Variants in SCNN1B observed in about 807,000 individuals in gnomAD.
The protein encoded by SCNN1B is sodium channel epithelial 1 subunit beta.
SCNN1B carries 46 observed loss-of-function variants against 65.3 expected under a neutral mutation model. The ratio of observed to expected loss-of-function variants is 0.70; its 90% CI spans 0.56 to 0.90. SCNN1B has a LOEUF of 0.90. Ranked by LOEUF, SCNN1B falls within the 40% of genes least tolerant of loss-of-function variation. The pLI is 0.00. For missense variants in SCNN1B, 751 were observed against 830.5 expected, an observed-to-expected ratio of 0.90 and a Z score of 1.18; for synonymous variants, 349 against 330.6, an observed-to-expected ratio of 1.06 and a Z score of -0.60.
chr16:23,296,709 C>G (rs919149579), intron 2 of SCNN1B, among the ~76,000 whole-genome samples: 4 of 152,090 alleles, frequency 2.6e-5, no homozygotes, highest in African/African-American at 9.7e-5. Context: ...GCAATGAGAT[C>G]GAAGATCAGA....
chr16:23,312,719 T>A (rs1961371049), intron 1 of SCNN1B, among the ~76,000 whole-genome samples: 1 of 152,048 alleles, frequency 6.6e-6, no homozygotes, highest in South Asian at 2.1e-4. Context: ...TGGATGACAA[T>A]CTGGTTGGTT....
rs1232796102 is a variant in SCNN1B at position 23,308,072 on chromosome 16, C to T, written c.-9+5635C>T. On this transcript the variant is annotated intron_variant, in intron 1 of 12. Transcript: ENST00000343070. ...AAAATAATGAATTTTGGTGTGGTGGCGCATGCCTGTAGTCCCAGCTACTCA... is the reference window on the plus strand; with the variant it reads ...AAAATAATGAATTTTGGTGTGGTGGTGCATGCCTGTAGTCCCAGCTACTCA... 9.2e-5 allele frequency among the ~76,000 whole-genome samples: 14 copies of T among 152,016 alleles called. 1 individual carries two copies. Among genetic ancestry groups the T allele is most frequent in the South Asian group, 8.3e-4 (4 of 4,812 alleles).
upstream of SCNN1B, among the ~76,000 whole-genome samples, chr16:23,298,383 C>G (rs1313770028): frequency 1.3e-5 from 2 of 152,212 alleles, no homozygotes; most frequent in African/African-American, 4.8e-5. Context: ...CAGAGCAAGG[C>G]TACCCCATGA....
intron 6 of SCNN1B, 140 bp downstream of exon 6, chr16:23,371,602 C>A (rs1962786253): frequency 1.9e-6 from 2 of 1,078,030 alleles, no homozygotes; most frequent in East Asian, 5.1e-5. Flanking sequence ...GGAATCCCCC[C>A]AGGGTGGCCC....
rs770338314 is a variant in SCNN1B at position 23,380,685 on chromosome 16, C to A, written c.1807C>A (p.Pro603Thr). The A allele has an allele frequency of 6.2e-7, 1 of 1,612,272 alleles. No homozygotes were observed. The highest frequency in any genetic ancestry group is 1.1e-5 in the South Asian group (1 of 91,012). ...GGCCCCCCGCAGCCCCAACACTGGG[C>A]CCTACCCCAGTGAGCAGGCCCTGCC... ...DTAPRSPNTG[P>T]YPSEQALPIP... The change falls in exon 13 of 13, where the codon CCC becomes ACC. Residue 603 changes from proline (P) to threonine (T), a missense_variant. Coordinates refer to ENST00000343070, the MANE Select transcript of SCNN1B (RefSeq NM_000336.3). This position sits in a 1 kb window ranked among gnomAD's most constrained non-coding sequence, Gnocchi z 5.4.
At chr16:23,296,627 G>T (rs927856740) in intron 2 of SCNN1B, among the ~76,000 whole-genome samples, 1 of 152,132 alleles carries the variant, frequency 6.6e-6, no homozygotes, top group Non-Finnish European at 1.5e-5. Context: ...ATAACAAAAA[G>T]GACATGGATC....
intron 4 of SCNN1B, among the ~76,000 whole-genome samples, chr16:23,364,826 C>T (rs1962615575): frequency 2.0e-5 from 3 of 151,828 alleles, no homozygotes; most frequent in Non-Finnish European, 4.4e-5. Context: ...ACCATCTCTA[C>T]TAAAAATACA....
At chr16:23,301,636 G>T (rs1410380255), upstream of SCNN1B, among the ~76,000 whole-genome samples, 1 of 152,154 alleles carries the variant, frequency 6.6e-6, no homozygotes, top group East Asian at 1.9e-4. Flanking sequence ...GGGAAGATTC[G>T]AGGAAATGCG....
chr16:23,306,426 TTGCTGA>T (rs1048498610), intron 1 of SCNN1B, among the ~76,000 whole-genome samples: 2 of 152,106 alleles, frequency 1.3e-5, no homozygotes, highest in Non-Finnish European at 2.9e-5. Context: ...TGTCTAACCA[TTGCTGA>T]TGCTGATGCT....
chr16:23,325,491 C>A (rs55925472), intron 1 of SCNN1B, among the ~76,000 whole-genome samples: 3 of 150,438 alleles, frequency 2.0e-5, no homozygotes, highest in Admixed American at 6.6e-5. Context: ...GGTCTCAAAC[C>A]TTTGACCTCA....
At position 23,322,613 on chromosome 16, in the gene SCNN1B, G is replaced by A. The variant is rs1408135512; in HGVS notation, c.-9+20176G>A. Among the ~76,000 whole-genome samples the A allele has an allele frequency of 2.6e-5, 4 of 152,032 alleles. No individual in the cohort carries two copies. The East Asian group carries it at 7.7e-4, about 29-fold the overall frequency. ...GGCGTGAGCCACTATGCCCAGTCCA[G>A]CAATGTAAAATTGTCATAGCCACAT... On this transcript the variant is annotated intron_variant, in intron 1 of 12. Transcript: ENST00000343070.
At chr16:23,363,471 G>A (rs1962591644) in intron 4 of SCNN1B, among the ~76,000 whole-genome samples, 1 of 152,240 alleles carries the variant, frequency 6.6e-6, no homozygotes, top group African/African-American at 2.4e-5. Context: ...CTCCCTCCCC[G>A]GGCTTATGTT....
chr16:23,299,396 A>G (rs1416880292), upstream of SCNN1B, among the ~76,000 whole-genome samples: 1 of 152,194 alleles, frequency 6.6e-6, no homozygotes, highest in East Asian at 1.9e-4. Context: ...ATAGTCAAAT[A>G]TCAACAATTT....
At chr16:23,344,867 G>A (rs565261329) in intron 1 of SCNN1B, among the ~76,000 whole-genome samples, 89 of 152,268 alleles carry the variant, frequency 5.8e-4, no homozygotes, top group Non-Finnish European at 1.0e-3. Context: ...GGTGGCATGC[G>A]CCTGTAGTCC....
chr16:23,355,781 A>G (rs932717423), intron 4 of SCNN1B, among the ~76,000 whole-genome samples: 12 of 151,968 alleles, frequency 7.9e-5, no homozygotes, highest in African/African-American at 2.7e-4. Flanking sequence ...AAAGGAGAAA[A>G]TAGAAAAAGA....
chr16:23,303,961 G>A lies in SCNN1B; in HGVS notation c.-9+1524G>A, dbSNP rs746906861. On this transcript the variant is annotated intron_variant, in intron 1 of 12. Transcript: ENST00000343070. The stretch of plus-strand genomic sequence containing the variant: ...AGTAGAAATGGTACAACCCACCTAT[G>A]TCATTCTGCAACTTGAGCCCTCTCA... 272 of 878,692 alleles carry A rather than the reference G, an allele frequency of 3.1e-4. 2 individuals carry two copies. Among genetic ancestry groups the A allele is most frequent in the Middle Eastern group, 2.1e-4 (1 of 4,768 alleles). 54.4% of individuals were successfully genotyped at this position (878,692 alleles called of 1,614,324 possible). A position where few individuals can be genotyped will look rare whatever the true frequency, so the allele number is the denominator to read the frequency against.
chr16:23,308,271 C>T (rs998006870), intron 1 of SCNN1B, among the ~76,000 whole-genome samples: 20 of 152,116 alleles, frequency 1.3e-4, no homozygotes, highest in African/African-American at 4.6e-4. Context: ...ACCTGGAATC[C>T]CAGCACTCAG....
In SCNN1B at chr16:23,348,466, A is replaced by T; in HGVS notation, c.-8-126A>T. 1 of 621,222 alleles carries T rather than the reference A, an allele frequency of 1.6e-6. No homozygotes were observed. Among genetic ancestry groups the T allele is most frequent in the Non-Finnish European group, 2.6e-6 (1 of 389,026 alleles). The allele number at this position is 621,222 out of a possible 1,614,324, so 38.5% of individuals were successfully genotyped here. A position where few individuals can be genotyped will look rare whatever the true frequency, so the allele number is the denominator to read the frequency against. On this transcript the variant is annotated intron_variant, in intron 1 of 12. Coordinates refer to ENST00000343070, the MANE Select transcript of SCNN1B (RefSeq NM_000336.3). This position sits in a 1 kb window ranked among gnomAD's most constrained non-coding sequence, Gnocchi z 4.5. ...AAAGAAGGAAAAAAGGGAGGGAGGG[A>T]GGGGGGAGGGTAAAGAGGGAGGAAG...
At chr16:23,286,342 G>A (rs979083065) in intron 2 of SCNN1B, among the ~76,000 whole-genome samples, 1 of 152,218 alleles carries the variant, frequency 6.6e-6, no homozygotes, top group African/African-American at 2.4e-5. Flanking sequence ...TTTAACCTCC[G>A]CCTCCTGGGT....
Sources: gnomAD v4.1 joint callset for allele counts (sites outside exome capture counted in the v4.1 genomes callset) on GRCh38, gnomAD v4.1.1 for gene constraint, Gnocchi (gnomAD v3.1) non-coding constraint, MANE v1.5 for transcripts, NCBI Gene and HGNC (gene_info 2026-07-23, HGNC 2026-07-21) for gene names.